The following EPS15L1 variants were observed in gnomAD, a reference collection of about 807,000 sequenced individuals.
The protein encoded by EPS15L1 is epidermal growth factor receptor substrate 15-like 1.
Under a neutral mutation model 117.1 loss-of-function variants are expected in EPS15L1, and 43 were observed. That is an observed-to-expected ratio of 0.37 (90% CI 0.29 to 0.47). The LOEUF is 0.47. EPS15L1 is among the 20% of genes least tolerant of loss of function. The pLI is 0.99. For missense variants in EPS15L1, 981 were observed against 1,164.0 expected (o/e 0.84, Z 2.29); for synonymous variants, 459 against 470.5 (o/e 0.98, Z 0.32).
chr19:16,448,889 G>T (rs951106775), intron 1 of EPS15L1, among the ~76,000 whole-genome samples: 1 of 152,060 alleles, frequency 6.6e-6, no homozygotes, highest in Non-Finnish European at 1.5e-5. Context: ...AGAAAGGTTT[G>T]CAAAGCACAT....
chr19:16,411,720 G>A (rs191573474), intron 13 of EPS15L1, among the ~76,000 whole-genome samples: 1 of 152,208 alleles, frequency 6.6e-6, no homozygotes, highest in East Asian at 1.9e-4. Flanking sequence ...TTATTTTTGA[G>A]GCAGGGTCTC....
At chr19:16,466,941 C>T (rs919843623) in intron 1 of EPS15L1, among the ~76,000 whole-genome samples, 1 of 151,196 alleles carries the variant, frequency 6.6e-6, no homozygotes, top group African/African-American at 2.4e-5. Context: ...AGAGCACATG[C>T]GTCACACGGC....
At chr19:16,463,324 C>T (rs946048322) in intron 1 of EPS15L1, among the ~76,000 whole-genome samples, 1 of 152,144 alleles carries the variant, frequency 6.6e-6, no homozygotes, top group Non-Finnish European at 1.5e-5. Context: ...GCTTCTTCCC[C>T]CTGCTTCCTC....
At chr19:16,414,923 TCTGGACCTCCTGGGCTCAACCGATC>T (rs1206369931) in intron 12 of EPS15L1, among the ~76,000 whole-genome samples, 1 of 152,034 alleles carries the variant, frequency 6.6e-6, no homozygotes, top group African/African-American at 2.4e-5. Context: ...CCCAGGCTGG[TCTGGACCTCCTGGGCTCAACCGATC>T]CTCTTGCCTT....
chr19:16,459,783 G>A (rs1216193294), intron 1 of EPS15L1, among the ~76,000 whole-genome samples: 3 of 152,158 alleles, frequency 2.0e-5, no homozygotes, highest in South Asian at 2.1e-4. Flanking sequence ...AGAATGGTGG[G>A]CGGGGAGGGA....
rs550495425 is a variant in EPS15L1, at chr19:16,403,235, C to T, written c.1626+498G>A. ...GCAGGCCACGAGAAGCCAGCGCCCC[C>T]CCCTGGACTGGGAAGAGGGTGGGGG... On this transcript the variant is annotated intron_variant, in intron 15 of 23. Transcript: ENST00000455140. 2.6e-4 allele frequency among the ~76,000 whole-genome samples: 39 copies of T among 152,308 alleles called. No individual in the cohort carries two copies. The East Asian group carries it at 5.6e-3, about 22-fold the overall frequency.
rs541491608 is a variant in EPS15L1 at position 16,381,517 on chromosome 19, C to T, written c.2247+3612G>A. ...AAGAGTGACAGAGCTCGGAAGGCTC[C>T]GGCAAGAAGGAAATGAGGTGCCATG... On this transcript the variant is annotated intron_variant, in intron 21 of 23. Transcript: ENST00000455140. The surrounding 1 kb of genome is among the most constrained non-coding windows in gnomAD (Gnocchi z 4.2). 1.8e-4 allele frequency among the ~76,000 whole-genome samples: 28 copies of T among 152,264 alleles called. No individual in the cohort carries two copies. The highest frequency in any genetic ancestry group is 4.1e-4 in the African/African-American group (17 of 41,534).
rs186997962 is a variant in EPS15L1, at chr19:16,419,423, C to A, written c.951-1319G>T. ...TCAGTGAGCCAAGATTGCGCCAATG[C>A]GCTCCAGCCTGGGCAACAGTGAGTC... On this transcript the variant is annotated intron_variant, in intron 10 of 23. Coordinates refer to ENST00000455140, the MANE Select transcript of EPS15L1 (RefSeq NM_001258374.3). 7.2e-5 allele frequency among the ~76,000 whole-genome samples: 11 copies of A among 151,978 alleles called. No homozygotes were observed. The South Asian group carries it at 2.1e-3, about 29-fold the overall frequency.
intron 9 of EPS15L1, among the ~76,000 whole-genome samples, chr19:16,424,823 G>C (rs2092853249): frequency 6.6e-6 from 1 of 151,940 alleles, no homozygotes; most frequent in South Asian, 2.1e-4. Context: ...ACCACACCCA[G>C]CTAATTTTTT....
intron 1 of EPS15L1, among the ~76,000 whole-genome samples, chr19:16,457,496 C>T (rs1022240577): frequency 1.3e-5 from 2 of 152,046 alleles, no homozygotes; most frequent in Non-Finnish European, 2.9e-5. Flanking sequence ...AGGCTTGCCA[C>T]GGGGAGGGAG....
intron 13 of EPS15L1, among the ~76,000 whole-genome samples, chr19:16,411,073 C>G (rs1285750404): frequency 6.6e-6 from 1 of 152,174 alleles, no homozygotes; most frequent in Non-Finnish European, 1.5e-5. Context: ...ATTCCACTGA[C>G]AGGAAATGTC....
intron 1 of EPS15L1, among the ~76,000 whole-genome samples, chr19:16,468,403 T>G (rs1227679695): frequency 6.6e-6 from 1 of 152,182 alleles, no homozygotes; most frequent in Non-Finnish European, 1.5e-5. Context: ...TGGGGTGCAG[T>G]GGCGCGATCT....
At chr19:16,469,365 C>T (rs1329575285) in intron 1 of EPS15L1, among the ~76,000 whole-genome samples, 2 of 152,042 alleles carry the variant, frequency 1.3e-5, no homozygotes, top group Admixed American at 6.6e-5. Flanking sequence ...TCGGCTGCAG[C>T]CACAGGGCAC....
At chr19:16,380,825 G>A (rs902163836) in intron 21 of EPS15L1, among the ~76,000 whole-genome samples, 1 of 152,260 alleles carries the variant, frequency 6.6e-6, no homozygotes, top group Non-Finnish European at 1.5e-5. Flanking sequence ...CTGGCAGCTA[G>A]TTATAGAGAT....
Position 16,406,404 on chromosome 19 carries a change from C to T in EPS15L1, c.1267-1655G>A, listed in dbSNP as rs2092656900. Among the ~76,000 whole-genome samples the T allele has an allele frequency of 2.0e-5, 3 of 152,292 alleles. No individual in the cohort carries two copies. In the South Asian group the frequency reaches 6.2e-4, roughly 32 times the overall value. On this transcript the variant is annotated intron_variant, in intron 13 of 23. Coordinates refer to ENST00000455140, the MANE Select transcript of EPS15L1 (RefSeq NM_001258374.3). Reference sequence around the variant, plus strand: ...GCTGGAAACATAAAGTCAGGCGTGTCAGCATCAAGGTGGTATTTAAACACG... The same window carrying T: ...GCTGGAAACATAAAGTCAGGCGTGTTAGCATCAAGGTGGTATTTAAACACG...
intron 20 of EPS15L1, 100 bp downstream of exon 20, chr19:16,386,071 C>CA (rs1412148630): frequency 8.6e-6 from 8 of 932,684 alleles, no homozygotes; most frequent in Non-Finnish European, 1.4e-5. Flanking sequence ...GACACAAACA[C>CA]AGAGGCCACG....
chr19:16,460,772 G>C (rs141674499), intron 1 of EPS15L1, among the ~76,000 whole-genome samples: 97 of 152,324 alleles, frequency 6.4e-4, no homozygotes, highest in African/African-American at 2.2e-3. Flanking sequence ...CATGCGCCTA[G>C]GCCAATCGTG....
chr19:16,360,204 CA>C (rs1408852545), intron 23 of EPS15L1, among the ~76,000 whole-genome samples: 1 of 152,002 alleles, frequency 6.6e-6, no homozygotes, highest in Non-Finnish European at 1.5e-5. Context: ...CTTCCCTACC[CA>C]AGACAGAGTA....
chr19:16,375,883 A>G (rs1375846158), intron 22 of EPS15L1, among the ~76,000 whole-genome samples: 1 of 152,160 alleles, frequency 6.6e-6, no homozygotes, highest in East Asian at 1.9e-4. Context: ...GGTGTTCTAA[A>G]AATAACTTCC....
Sources: allele counts gnomAD v4.1 joint callset (sites outside exome capture counted in the v4.1 genomes callset), GRCh38; gene constraint gnomAD v4.1.1; non-coding constraint Gnocchi (gnomAD v3.1); transcripts MANE v1.5; gene names NCBI Gene and HGNC (gene_info 2026-07-23, HGNC 2026-07-21).